Variants in XKRX observed in about 807,000 individuals in gnomAD.
XKRX encodes the protein XK-related protein 2.
In XKRX, 11 loss-of-function variants were observed where a neutral mutation model predicts 22.4. The ratio of observed to expected loss-of-function variants is 0.49; its 90% CI spans 0.31 to 0.81. The LOEUF (loss-of-function observed/expected upper bound fraction) is 0.81. Ranked by LOEUF, XKRX falls within the 40% of genes least tolerant of loss-of-function variation. XKRX has a pLI of 0.05. For missense variants in XKRX, 320 were observed against 336.5 expected, an observed-to-expected ratio of 0.95 and a Z score of 0.38; for synonymous variants, 114 against 132.2, an observed-to-expected ratio of 0.86 and a Z score of 0.94.
chrX:100,893,981 A>G, the XKRX span, among the ~76,000 whole-genome samples: 11 of 112,650 alleles, frequency 9.8e-5, no homozygotes, highest in African/African-American at 3.2e-4. Context: ...AATTTTTTAA[A>G]AAGTAGGCCG....
At chrX:100,899,596 T>A in the XKRX span, among the ~76,000 whole-genome samples, 4 of 112,576 alleles carry the variant, frequency 3.6e-5, no homozygotes, top group East Asian at 1.1e-3. Context: ...CTTGATCTTA[T>A]ATATGGAAAC....
At chrX:100,940,824 C>T in the XKRX span, among the ~76,000 whole-genome samples, 1 of 111,806 alleles carries the variant, frequency 8.9e-6, no homozygotes, top group Non-Finnish European at 1.9e-5. Flanking sequence ...TCAAGACTGT[C>T]CATGACCTGG....
upstream of XKRX, among the ~76,000 whole-genome samples, chrX:100,929,633 C>T (rs1003454833): frequency 5.4e-5 from 6 of 111,501 alleles, no homozygotes; most frequent in African/African-American, 2.0e-4. Context: ...TCAGAGTTTT[C>T]GGCGGAGGGA....
downstream of XKRX, among the ~76,000 whole-genome samples, chrX:100,912,800 T>C (rs1016283137): frequency 1.8e-5 from 2 of 111,873 alleles, no homozygotes. Flanking sequence ...ACCCAACTGA[T>C]ATGAGATGTA....
At chrX:100,934,785 A>G in the XKRX span, among the ~76,000 whole-genome samples, 1 of 111,587 alleles carries the variant, frequency 9.0e-6, no homozygotes, top group Non-Finnish European at 1.9e-5. Context: ...GGATCGCCAG[A>G]CTCTTCTAAA....
At chrX:100,932,137 C>T (rs983939335), upstream of XKRX, among the ~76,000 whole-genome samples, 10 of 111,458 alleles carry the variant, frequency 9.0e-5, no homozygotes, top group Non-Finnish European at 5.6e-5. Flanking sequence ...CCCTAGGATT[C>T]TCTGGCGCTT....
chrX:100,894,523 T>C, the XKRX span, among the ~76,000 whole-genome samples: 2 of 111,461 alleles, frequency 1.8e-5, no homozygotes, highest in Non-Finnish European at 3.8e-5. Context: ...CATTGCAGCC[T>C]CCACTCCCGG....
chrX:100,950,563 CCCA>C, the XKRX span, among the ~76,000 whole-genome samples: 1 of 112,242 alleles, frequency 8.9e-6, no homozygotes, highest in Non-Finnish European at 1.9e-5. Context: ...GAATATTTCA[CCCA>C]CCAACAGCAG....
intron 1 of XKRX, among the ~76,000 whole-genome samples, chrX:100,926,948 C>T (rs762718550): frequency 9.0e-6 from 1 of 111,541 alleles, no homozygotes; most frequent in East Asian, 2.8e-4. Flanking sequence ...CAGATTACCA[C>T]AGATGGTTTA....
At position 100,925,356 on chromosome X, in the gene XKRX, T is replaced by C. The variant is rs184859325; in HGVS notation, c.336-2295A>G. On this transcript the variant is annotated intron_variant, in intron 1 of 2. Coordinates refer to ENST00000372956, the MANE Select transcript of XKRX (RefSeq NM_212559.3). ...TCTACAAGCACCTTCATGTGCCTGA[T>C]AACACTAATCAAGTTCCTACCTATC... 2.6e-4 allele frequency among the ~76,000 whole-genome samples: 29 copies of C among 112,426 alleles called. No homozygotes were observed. The East Asian group carries it at 7.0e-3, about 27-fold the overall frequency.
At chrX:100,890,885 A>G in the XKRX span, among the ~76,000 whole-genome samples, 1 of 111,946 alleles carries the variant, frequency 8.9e-6, no homozygotes, top group African/African-American at 3.2e-5. Context: ...AATTCATTTC[A>G]CCAATGAAAT....
the XKRX span, among the ~76,000 whole-genome samples, chrX:100,940,628 T>C: frequency 1.8e-5 from 2 of 111,814 alleles, no homozygotes; most frequent in East Asian, 5.6e-4. Context: ...TCTGTCTATC[T>C]AATAGATCTC....
At position 100,928,682 on chromosome X, in the gene XKRX, GC is replaced by G. The variant is rs2085509101; in HGVS notation, c.-379del. On this transcript the variant is annotated 5_prime_UTR_variant, in exon 1 of 3. Transcript: ENST00000372956. ...GGCTTCCGTGGCGGCTCCTTTCGCAGCCCCTCAGGCAGGGTGTAGCCGATCT... is the reference window on the plus strand; with the variant it reads ...GGCTTCCGTGGCGGCTCCTTTCGCAGCCCTCAGGCAGGGTGTAGCCGATCT... The G allele has an allele frequency of 1.3e-6, 1 of 788,959 alleles. No homozygotes were observed. The highest frequency in any genetic ancestry group is 2.3e-5 in the African/African-American group (1 of 44,297). 65.0% of individuals were successfully genotyped at this position (788,959 alleles called of 1,213,427 possible).
the XKRX span, among the ~76,000 whole-genome samples, chrX:100,891,763 A>AAAGAAAGAAAGAAAGAAAG: frequency 0.09 from 5,277 of 58,625 alleles, 436 homozygotes; most frequent in African/African-American, 0.13. Flanking sequence ...AAGAAAGAAG[A>AAAGAAAGAAAGAAAGAAAG]AAAGAAAGAA....
the XKRX span, among the ~76,000 whole-genome samples, chrX:100,953,903 T>TAAA: frequency 6.0e-5 from 2 of 33,390 alleles, no homozygotes; most frequent in African/African-American, 2.0e-4. Flanking sequence ...AGTGAGACTC[T>TAAA]AAAAAAAAAA....
the XKRX span, among the ~76,000 whole-genome samples, chrX:100,942,795 C>G: frequency 9.0e-6 from 1 of 111,504 alleles, no homozygotes; most frequent in African/African-American, 3.3e-5. Context: ...CACCAGCTTA[C>G]TAGTGTTTCA....
the XKRX span, among the ~76,000 whole-genome samples, chrX:100,903,500 G>C: frequency 4.5e-5 from 5 of 112,057 alleles, no homozygotes; most frequent in African/African-American, 1.3e-4. Context: ...TGGATTGTAT[G>C]GTAAGAGTAT....
At chrX:100,926,774 G>A (rs1449865475) in intron 1 of XKRX, among the ~76,000 whole-genome samples, 1 of 112,093 alleles carries the variant, frequency 8.9e-6, no homozygotes, top group Non-Finnish European at 1.9e-5. Flanking sequence ...CAATCTGAAT[G>A]GAAATACTTG....
the XKRX span, among the ~76,000 whole-genome samples, chrX:100,951,691 A>C: frequency 9.1e-4 from 102 of 111,757 alleles, 1 homozygote; most frequent in African/African-American, 3.2e-3. Flanking sequence ...AGAAAGACTG[A>C]CAAAGAAAAA....
Sources: allele counts gnomAD v4.1 joint callset (sites outside exome capture counted in the v4.1 genomes callset), GRCh38; gene constraint gnomAD v4.1.1; transcripts MANE v1.5; gene names NCBI Gene and HGNC (gene_info 2026-07-23, HGNC 2026-07-21).